Variants in EPHB4 observed in about 807,000 individuals in gnomAD.
The protein encoded by EPHB4 is EPH receptor B4.
Under a neutral mutation model 110.6 loss-of-function variants are expected in EPHB4, and 50 were observed. That is an observed-to-expected ratio of 0.45 (90% CI 0.36 to 0.57). The LOEUF (loss-of-function observed/expected upper bound fraction) is 0.57. Ranked by LOEUF, EPHB4 falls within the 20% of genes least tolerant of loss-of-function variation. The pLI, the probability that EPHB4 is intolerant of heterozygous loss-of-function variation, is 0.00. For missense variants in EPHB4, 1,128 were observed against 1,382.1 expected (o/e 0.82, Z 2.91); for synonymous variants, 592 against 578.4 (o/e 1.02, Z -0.34).
intron 4 of EPHB4, among the ~76,000 whole-genome samples, chr7:100,821,462 T>C (rs1451076238): frequency 6.7e-6 from 1 of 150,246 alleles, no homozygotes; most frequent in East Asian, 2.1e-4. Flanking sequence ...ACTCCATCTC[T>C]ACTAAAAATA....
chr7:100,825,876 TC>T (rs1238349213), intron 1 of EPHB4, among the ~76,000 whole-genome samples: 1 of 152,186 alleles, frequency 6.6e-6, no homozygotes, highest in East Asian at 1.9e-4. Context: ...CCTTTGGCCT[TC>T]CTCTTCCCCT....
intron 8 of EPHB4, among the ~76,000 whole-genome samples, chr7:100,816,054 C>G (rs952208376): frequency 1.3e-5 from 2 of 151,054 alleles, no homozygotes; most frequent in Non-Finnish European, 2.9e-5. Flanking sequence ...TTCGGGAAGC[C>G]GAGGCGGGTG....
At position 100,823,922 on chromosome 7, in the gene EPHB4, G is replaced by C. The variant is rs149287966; in HGVS notation, c.133C>G (p.Leu45Val). 117 of 1,587,822 alleles carry C rather than the reference G, an allele frequency of 7.4e-5. No individual in the cohort carries two copies. The highest frequency in any genetic ancestry group is 1.7e-4 in the Middle Eastern group (1 of 5,868). ...FPQVDGQWEE[L>V]SGLDEEQHSV... ...TGCTGTTCCTCATCCAGGCCGCTCA[G>C]TTCCTCCCACTGTGCAGAGAAGGAG... Residue 45 changes from leucine to valine, a missense_variant, in exon 3 of 17, where the codon CTG (leucine) becomes GTG (valine). Around this residue, in one of 3 missense-constraint regions of EPHB4, gnomAD observed 728 missense variants for 828.6 expected, o/e 0.88. Coordinates refer to ENST00000358173, the MANE Select transcript of EPHB4 (RefSeq NM_004444.5).
In EPHB4 at chr7:100,803,316, A is replaced by C; in HGVS notation, c.*145T>G. On this transcript the variant is annotated 3_prime_UTR_variant, in exon 17 of 17. Coordinates refer to ENST00000358173, the MANE Select transcript of EPHB4 (RefSeq NM_004444.5). ...CCTCCTATTATGGCAGAACCCCCAAATCCTGTCTCTCCAAATTGCCAACTC... is the reference window on the plus strand; with the variant it reads ...CCTCCTATTATGGCAGAACCCCCAACTCCTGTCTCTCCAAATTGCCAACTC... 9.5e-7 allele frequency: 1 copy of C among 1,050,640 alleles called. No individual in the cohort carries two copies. Among genetic ancestry groups the C allele is most frequent in the South Asian group, 2.8e-5 (1 of 36,290 alleles). 65.1% of individuals were successfully genotyped at this position (1,050,640 alleles called of 1,614,324 possible).
At chr7:100,814,087 T>C (rs748493067) in intron 8 of EPHB4, 66 bp from the exon 9 acceptor site, 12 of 1,564,820 alleles carry the variant, frequency 7.7e-6, no homozygotes, top group Non-Finnish European at 1.0e-5. Context: ...AGCCCCGGCT[T>C]TGAGCAATGA....
chr7:100,816,277 G>A (rs1249078619), intron 8 of EPHB4, among the ~76,000 whole-genome samples: 2 of 152,074 alleles, frequency 1.3e-5, no homozygotes, highest in Non-Finnish European at 1.5e-5. Context: ...TTCCCATTTT[G>A]TTGGATGGGG....
Position 100,819,558 on chromosome 7 carries a change from C to T in EPHB4, c.1296G>A (p.Glu432=). ...GCCGCCCCAGCCCCCAAGTCTCACCCTCTCGGTCAGTGGTGACATTGACAG... is the reference window on the plus strand; with the variant it reads ...GCCGCCCCAGCCCCCAAGTCTCACCTTCTCGGTCAGTGGTGACATTGACAG... ...FEPVNVTTDR[E]VPPAVSDIRV... is the part of the protein sequence containing the mutation. The change falls in exon 6 of 17, where the codon GAG becomes GAA. Residue 432 remains glutamate (E), a splice_region_variant and synonymous_variant. Transcript: ENST00000358173. 6.4e-7 allele frequency: 1 copy of T among 1,554,914 alleles called. No individual in the cohort carries two copies. Among genetic ancestry groups the T allele is most frequent in the Non-Finnish European group, 8.7e-7 (1 of 1,144,808 alleles).
intron 12 of EPHB4, 68 bp from the exon 13 acceptor site, chr7:100,807,648 C>A (rs1203891767): frequency 5.0e-6 from 6 of 1,210,338 alleles, no homozygotes; most frequent in Non-Finnish European, 6.7e-6. Flanking sequence ...CCATCCACAT[C>A]TTTTTTTTTT....
Position 100,813,002 on chromosome 7 carries a change from C to G in EPHB4, c.1871-8G>C. ...ACACCTCGCCAAACTCACCTTCAAA[C>G]AAGGACGCAGAGGTCATCAGCTCTC... On this transcript the variant is annotated splice_polypyrimidine_tract_variant and splice_region_variant and intron_variant, in intron 11 of 16. Coordinates refer to ENST00000358173, the MANE Select transcript of EPHB4 (RefSeq NM_004444.5). 1 of 1,613,284 alleles carries G rather than the reference C, an allele frequency of 6.2e-7. No individual in the cohort carries two copies. Among genetic ancestry groups the G allele is most frequent in the South Asian group, 1.1e-5 (1 of 91,062 alleles).
In EPHB4 at chr7:100,822,987, G is replaced by C. The variant is rs1813275028; in HGVS notation, c.412-320C>G. 6.6e-6 allele frequency among the ~76,000 whole-genome samples: 1 copy of C among 152,150 alleles called. No individual in the cohort carries two copies. The highest frequency in any genetic ancestry group is 2.4e-5 in the African/African-American group (1 of 41,440). ...ACAGCGATGAATGAATCCTGGGGAA[G>C]TTATAAAGTACCATGAGGCCGGGCG... is the stretch of plus-strand genomic sequence containing the variant. On this transcript the variant is annotated intron_variant, in intron 3 of 16. Coordinates refer to ENST00000358173, the MANE Select transcript of EPHB4 (RefSeq NM_004444.5). The surrounding 1 kb of genome is among the most constrained non-coding windows in gnomAD (Gnocchi z 4.7).
intron 16 of EPHB4, among the ~76,000 whole-genome samples, chr7:100,803,794 G>C (rs1176136809): frequency 6.6e-6 from 1 of 152,178 alleles, no homozygotes; most frequent in Admixed American, 6.5e-5. Context: ...AAGGGGGTAG[G>C]GCTGGAGGCC....
chr7:100,806,337 A>T, intron 14 of EPHB4, 83 bp downstream of exon 14: 1 of 1,492,166 alleles, frequency 6.7e-7, no homozygotes, highest in Non-Finnish European at 9.0e-7. Context: ...AGCAGTGATG[A>T]CTCTCTGGGA....
intron 5 of EPHB4, 30 bp downstream of exon 5, chr7:100,820,111 G>A (rs747328137): frequency 8.7e-6 from 14 of 1,607,738 alleles, no homozygotes; most frequent in Admixed American, 3.4e-5. Flanking sequence ...CCCCTCCCCA[G>A]TGAACTGCAC....
At chr7:100,826,883 G>A in intron 1 of EPHB4, 96 bp downstream of exon 1, 1 of 1,416,490 alleles carries the variant, frequency 7.1e-7, no homozygotes, top group African/African-American at 1.4e-5. Flanking sequence ...CCCGGGTAGG[G>A]GTAGTCAGAG....
intron 12 of EPHB4, 26 bp downstream of exon 12, chr7:100,812,721 C>T: frequency 1.9e-6 from 3 of 1,600,134 alleles, no homozygotes; most frequent in Non-Finnish European, 2.6e-6. Flanking sequence ...CTCCGGGTGG[C>T]CGCAGAAGCC....
At chr7:100,812,627 G>T in intron 12 of EPHB4, 120 bp downstream of exon 12, 1 of 1,375,272 alleles carries the variant, frequency 7.3e-7, no homozygotes, top group Non-Finnish European at 9.7e-7. Context: ...CTTAGCCCAA[G>T]AGGAAAAGGC....
intron 5 of EPHB4, 53 bp from the exon 6 acceptor site, chr7:100,819,942 G>T: frequency 6.6e-7 from 1 of 1,504,404 alleles, no homozygotes; most frequent in Non-Finnish European, 8.9e-7. Context: ...CGGTGGTGGG[G>T]AGAGGGCAAT....
At chr7:100,826,766 TC>T in intron 1 of EPHB4, 1 of 513,734 alleles carries the variant, frequency 1.9e-6, no homozygotes, top group East Asian at 3.1e-5. Context: ...GTAGCCAGAC[TC>T]CATCTCTTTC....
In EPHB4 at chr7:100,812,847, T is replaced by G. The variant is rs1584658045; in HGVS notation, c.2018A>C (p.His673Pro). 1 of 1,614,188 alleles carries G rather than the reference T, an allele frequency of 6.2e-7. No homozygotes were observed. The highest frequency in any genetic ancestry group is 8.5e-7 in the Non-Finnish European group (1 of 1,180,032). ...GCCCTCCAGGCGGATGATATTGGGG[T>G]GCTCGAACTGGCCCATGATGGAGGC... is the stretch of plus-strand genomic sequence containing the variant. ...SEASIMGQFE[H>P]PNIIRLEGVV... Residue 673 changes from histidine to proline, a missense_variant, in exon 12 of 17, where the codon CAC becomes CCC. His to Pro is a moderately conservative substitution (Grantham distance 77). Transcript: ENST00000358173.
Sources: gnomAD v4.1 joint callset for allele counts (sites outside exome capture counted in the v4.1 genomes callset) on GRCh38, gnomAD v4.1.1 for gene constraint, gnomAD v4.1.1 regional missense constraint, Gnocchi (gnomAD v3.1) non-coding constraint, MANE v1.5 for transcripts, NCBI Gene and HGNC (gene_info 2026-07-23, HGNC 2026-07-21) for gene names.